Variants in OVCH1 observed in about 807,000 individuals in gnomAD.
OVCH1 encodes ovochymase-1.
In OVCH1, 139 loss-of-function variants were observed where a neutral mutation model predicts 138.4. That is an observed-to-expected ratio of 1.00 (90% CI 0.87 to 1.16). OVCH1 has a LOEUF of 1.16. OVCH1 is among the 50% of genes most tolerant of loss of function. The probability of loss-of-function intolerance (pLI) is 0.00; values close to 1 mark genes in which losing one functional copy is unlikely to be tolerated. For missense variants in OVCH1, 1,367 were observed against 1,357.9 expected (o/e 1.01, Z -0.11); for synonymous variants, 453 against 467.8 (o/e 0.97, Z 0.41).
intron 4 of OVCH1, 83 bp downstream of exon 4, chr12:29,495,202 C>T: frequency 7.7e-7 from 1 of 1,290,656 alleles, no homozygotes; most frequent in Non-Finnish European, 1.1e-6. Flanking sequence ...TACTAGACAG[C>T]CACACAGACA....
intron 26 of OVCH1, among the ~76,000 whole-genome samples, chr12:29,438,543 A>G (rs996905228): frequency 6.6e-6 from 1 of 152,120 alleles, no homozygotes; most frequent in African/African-American, 2.4e-5. Flanking sequence ...TATGAGTTAT[A>G]TCTTTCAGTT....
intron 3 of OVCH1, 88 bp from the exon 4 acceptor site, chr12:29,495,545 T>A: frequency 2.5e-6 from 3 of 1,208,172 alleles, no homozygotes; most frequent in Non-Finnish European, 2.3e-6. Flanking sequence ...AAGTGATTAA[T>A]GTATCTTTAA....
intron 3 of OVCH1, among the ~76,000 whole-genome samples, chr12:29,415,019 GTAA>G (rs34822853): frequency 0.024 from 3,725 of 152,192 alleles, 50 homozygotes; most frequent in Middle Eastern, 0.092. Context: ...TCACATAAAG[GTAA>G]TGATGCTGGA....
At chr12:29,432,238 CATG>C (rs1339940585) in intron 27 of OVCH1, among the ~76,000 whole-genome samples, 5 of 152,186 alleles carry the variant, frequency 3.3e-5, no homozygotes, top group South Asian at 2.1e-4. Context: ...GGATTATAAA[CATG>C]ATCTCAATTA....
chr12:29,446,493 C>T (rs1941619868), intron 22 of OVCH1, among the ~76,000 whole-genome samples: 1 of 151,998 alleles, frequency 6.6e-6, no homozygotes, highest in East Asian at 1.9e-4. Flanking sequence ...ATTTCTATTA[C>T]AGTCTTGCTC....
intron 22 of OVCH1, 103 bp from the exon 23 acceptor site, chr12:29,445,506 G>T (rs994061405): frequency 3.4e-5 from 39 of 1,146,206 alleles, no homozygotes; most frequent in African/African-American, 1.3e-4. Context: ...GGTAGGAATT[G>T]ATTCCATTCT....
rs1942573636 is a variant in OVCH1, at chr12:29,473,115, A to G, written c.1601-12T>C. The G allele has an allele frequency of 1.3e-6, 2 of 1,565,558 alleles. No homozygotes were observed. The highest frequency in any genetic ancestry group is 1.7e-6 in the Non-Finnish European group (2 of 1,149,376). ...TTTGTTTAAAGACTCTGTAGAAGAAAAAAAAATTAATTGAAAGTAATTAGA... is the reference window on the plus strand; with the variant it reads ...TTTGTTTAAAGACTCTGTAGAAGAAGAAAAAATTAATTGAAAGTAATTAGA... On this transcript the variant is annotated splice_polypyrimidine_tract_variant and intron_variant, in intron 14 of 27. Transcript: ENST00000318184.
At chr12:29,451,108 A>C (rs1941779595) in intron 22 of OVCH1, among the ~76,000 whole-genome samples, 1 of 152,076 alleles carries the variant, frequency 6.6e-6, no homozygotes, top group African/African-American at 2.4e-5. Context: ...CGGCACGTGT[A>C]TACCTTTGTA....
At chr12:29,455,860 T>G (rs1456628345) in intron 19 of OVCH1, among the ~76,000 whole-genome samples, 4 of 151,980 alleles carry the variant, frequency 2.6e-5, no homozygotes, top group Non-Finnish European at 4.4e-5. Context: ...GGAAATCGGG[T>G]TAGGGTCATT....
At chr12:29,415,818 G>A (rs559077609) in intron 3 of OVCH1, among the ~76,000 whole-genome samples, 18 of 152,054 alleles carry the variant, frequency 1.2e-4, no homozygotes, top group Non-Finnish European at 1.9e-4. Flanking sequence ...AAATTTATAC[G>A]AGAAAGCACA....
chr12:29,447,068 A>C (rs998415495), intron 22 of OVCH1, among the ~76,000 whole-genome samples: 10 of 152,172 alleles, frequency 6.6e-5, no homozygotes, highest in Non-Finnish European at 1.2e-4. Flanking sequence ...AGCATTAAGA[A>C]TAAACATGAC....
Position 29,433,818 on chromosome 12 carries a change from A to T in OVCH1, c.3265-5T>A. The T allele has an allele frequency of 2.9e-6, 4 of 1,392,530 alleles. No individual in the cohort carries two copies. In the South Asian group the frequency reaches 5.6e-5, roughly 20 times the overall value. 86.3% of individuals were successfully genotyped at this position (1,392,530 alleles called of 1,614,324 possible). On this transcript the variant is annotated splice_polypyrimidine_tract_variant and splice_region_variant and intron_variant, in intron 26 of 27. Transcript: ENST00000318184. Reference sequence around the variant, plus strand: ...AACACTTCTTACATTATCATACTAAAATTAAGTAAAATGTTTTTAATGGAA... The same window carrying T: ...AACACTTCTTACATTATCATACTAATATTAAGTAAAATGTTTTTAATGGAA...
downstream of OVCH1, chr12:29,427,534 T>C: frequency 1.9e-6 from 3 of 1,550,068 alleles, no homozygotes; most frequent in Non-Finnish European, 1.7e-6. Context: ...TAGAGGCCTC[T>C]TCCTCCATGT....
the OVCH1 span, among the ~76,000 whole-genome samples, chr12:29,402,592 TGA>T: frequency 8.5e-4 from 126 of 149,060 alleles, no homozygotes; most frequent in African/African-American, 1.9e-3. Context: ...AAAGAAGGAT[TGA>T]GAGAGGGAAG....
At chr12:29,431,519 T>C (rs1389216176) in intron 27 of OVCH1, among the ~76,000 whole-genome samples, 1 of 152,238 alleles carries the variant, frequency 6.6e-6, no homozygotes, top group Non-Finnish European at 1.5e-5. Flanking sequence ...TTCTATGCTG[T>C]ATATGTTTAA....
At chr12:29,403,459 G>A in the OVCH1 span, among the ~76,000 whole-genome samples, 1 of 152,184 alleles carries the variant, frequency 6.6e-6, no homozygotes, top group East Asian at 1.9e-4. Flanking sequence ...ACATTTTGGT[G>A]CAATGTGTAA....
chr12:29,414,166 C>T (rs1202244083), intron 3 of OVCH1, among the ~76,000 whole-genome samples: 1 of 151,926 alleles, frequency 6.6e-6, no homozygotes, highest in Non-Finnish European at 1.5e-5. Flanking sequence ...GCTGGGATTA[C>T]AGGAGCCCAC....
chr12:29,464,789 A>C, intron 17 of OVCH1, 87 bp from the exon 18 acceptor site: 1 of 1,176,146 alleles, frequency 8.5e-7, no homozygotes, highest in Non-Finnish European at 1.2e-6. Flanking sequence ...AATAATCCTA[A>C]ATTTCTGCAC....
At chr12:29,449,292 C>G (rs1023004048) in intron 22 of OVCH1, among the ~76,000 whole-genome samples, 16 of 143,554 alleles carry the variant, frequency 1.1e-4, no homozygotes, top group African/African-American at 4.4e-4. Flanking sequence ...CACACACACA[C>G]ACACACACAC....
Sources: allele counts gnomAD v4.1 joint callset (sites outside exome capture counted in the v4.1 genomes callset), GRCh38; gene constraint gnomAD v4.1.1; transcripts MANE v1.5; gene names NCBI Gene and HGNC (gene_info 2026-07-23, HGNC 2026-07-21).